The following TP53BP1 variants were observed in gnomAD, a reference collection of about 807,000 sequenced individuals.
The protein encoded by TP53BP1 is TP53-binding protein 1.
Under a neutral mutation model 200.8 loss-of-function variants are expected in TP53BP1, and 61 were observed. The observed-to-expected ratio is 0.30, with a 90% CI of 0.25 to 0.38. TP53BP1 has a LOEUF of 0.38. Ranked by LOEUF, TP53BP1 falls within the 10% of genes least tolerant of loss-of-function variation. The pLI, the probability that TP53BP1 is intolerant of heterozygous loss-of-function variation, is 1.00. For synonymous variants in TP53BP1, 822 were observed against 844.3 expected (o/e 0.97, Z 0.46); for missense variants, 2,144 against 2,371.9 (o/e 0.90, Z 2.00).
In TP53BP1 at chr15:43,456,984, C is replaced by A; in HGVS notation, c.1624G>T (p.Asp542Tyr). 6.2e-7 allele frequency: 1 copy of A among 1,614,184 alleles called. No homozygotes were observed. Among genetic ancestry groups the A allele is most frequent in the Admixed American group, 1.7e-5 (1 of 60,014 alleles). Reference sequence around the variant, plus strand: ...ATCTGTGTGTTTTCTCCATCTTCATCAATTCTGTGAGAACTCAAGCTCTCC... The same window carrying A: ...ATCTGTGTGTTTTCTCCATCTTCATAAATTCTGTGAGAACTCAAGCTCTCC... ...KMESLSSHRI[D>Y]EDGENTQIED... Residue 542 changes from aspartate to tyrosine, a missense_variant, in exon 12 of 28, where the codon GAT becomes TAT. Transcript: ENST00000382044.
At chr15:43,450,106 T>C (rs1356778893) in intron 12 of TP53BP1, among the ~76,000 whole-genome samples, 2 of 152,232 alleles carry the variant, frequency 1.3e-5, no homozygotes, top group African/African-American at 4.8e-5. Flanking sequence ...GCTATCATGT[T>C]GTAGGTCAGC....
At chr15:43,414,133 A>T in intron 23 of TP53BP1, 1 of 470,626 alleles carries the variant, frequency 2.1e-6, no homozygotes, top group Non-Finnish European at 4.4e-6. Flanking sequence ...TAAAACCAGG[A>T]GCAAGAAAAC....
At chr15:43,499,291 G>A (rs1347481716) in intron 1 of TP53BP1, among the ~76,000 whole-genome samples, 1 of 152,084 alleles carries the variant, frequency 6.6e-6, no homozygotes, top group Non-Finnish European at 1.5e-5. Context: ...AGGAGGATGA[G>A]AATCAAAAAC....
chr15:43,480,455 T>C lies in TP53BP1; in HGVS notation c.500-438A>G, dbSNP rs200879820. Among the ~76,000 whole-genome samples, 6 of 151,094 alleles carry C rather than the reference T, an allele frequency of 4.0e-5. No homozygotes were observed. The East Asian group carries it at 7.8e-4, about 20-fold the overall frequency. Reference sequence around the variant, plus strand: ...AGAGCAAGACTCCGTCGCAAAAAAATAAAAAATAAATTTAAAAAAAATAAG... The same window carrying C: ...AGAGCAAGACTCCGTCGCAAAAAAACAAAAAATAAATTTAAAAAAAATAAG... On this transcript the variant is annotated intron_variant, in intron 5 of 27. Coordinates refer to ENST00000382044, the MANE Select transcript of TP53BP1 (RefSeq NM_001141980.3).
chr15:43,445,245 G>C (rs960058004), intron 14 of TP53BP1, among the ~76,000 whole-genome samples: 1 of 151,974 alleles, frequency 6.6e-6, no homozygotes, highest in Non-Finnish European at 1.5e-5. Flanking sequence ...CACTGAAATG[G>C]CTCTTGCTAG....
intron 4 of TP53BP1, among the ~76,000 whole-genome samples, chr15:43,486,038 TAA>T (rs919125867): frequency 6.6e-5 from 10 of 151,634 alleles, no homozygotes; most frequent in South Asian, 2.1e-4. Flanking sequence ...CCAGAAGAAT[TAA>T]AATAATTACC....
chr15:43,474,430 G>A (rs572113951), intron 10 of TP53BP1, among the ~76,000 whole-genome samples: 60 of 138,890 alleles, frequency 4.3e-4, no homozygotes, highest in African/African-American at 1.5e-3. Flanking sequence ...CTGCCAGCAC[G>A]CTGTCACCTC....
intron 4 of TP53BP1, among the ~76,000 whole-genome samples, chr15:43,488,354 T>C (rs966377081): frequency 1.3e-5 from 2 of 151,576 alleles, no homozygotes; most frequent in East Asian, 3.9e-4. Context: ...CCATTTTATA[T>C]AGTATTTTGA....
rs375994630 is a variant in TP53BP1, at chr15:43,486,308, G to A, written c.372-5286C>T. Among the ~76,000 whole-genome samples, 318 of 152,268 alleles carry A rather than the reference G, an allele frequency of 2.1e-3. 2 individuals are homozygous for A. The highest frequency in any genetic ancestry group is 7.1e-3 in the African/African-American group (295 of 41,550). On this transcript the variant is annotated intron_variant, in intron 4 of 27. Transcript: ENST00000382044. Reference sequence around the variant, plus strand: ...GGAGAATCGCTTGAACCCAGGAGGCGGAGGTTGCCGTGAGCCAAGATCATG... The same window carrying A: ...GGAGAATCGCTTGAACCCAGGAGGCAGAGGTTGCCGTGAGCCAAGATCATG...
intron 1 of TP53BP1, among the ~76,000 whole-genome samples, chr15:43,501,108 C>A (rs1024734419): frequency 3.3e-5 from 5 of 151,876 alleles, no homozygotes; most frequent in Non-Finnish European, 7.4e-5. Flanking sequence ...AATAGTTAGG[C>A]TTGTTTCTTT....
At chr15:43,448,479 C>T (rs1385539775) in intron 12 of TP53BP1, among the ~76,000 whole-genome samples, 1 of 152,020 alleles carries the variant, frequency 6.6e-6, no homozygotes, top group Non-Finnish European at 1.5e-5. Context: ...TCTTTTTCCA[C>T]TCCTATCTTT....
chr15:43,486,544 T>TAAAGAGAGTTGCCTTTGTGAA (rs893911018), intron 4 of TP53BP1, among the ~76,000 whole-genome samples: 2 of 152,178 alleles, frequency 1.3e-5, no homozygotes, highest in Admixed American at 6.5e-5. Context: ...CATAAACAGT[T>TAAAGAGAGTTGCCTTTGTGAA]AAAGAGAGTT....
intron 8 of TP53BP1, 139 bp from the exon 9 acceptor site, chr15:43,475,833 T>C (rs2078873130): frequency 9.5e-7 from 1 of 1,057,142 alleles, no homozygotes; most frequent in Non-Finnish European, 1.4e-6. Context: ...GTTTTCTAAT[T>C]ATAGTACAAC....
At chr15:43,427,409 AT>A (rs1285264607) in intron 18 of TP53BP1, among the ~76,000 whole-genome samples, 2 of 152,230 alleles carry the variant, frequency 1.3e-5, no homozygotes, top group Non-Finnish European at 2.9e-5. Context: ...AGGATTTAAA[AT>A]AATACATACA....
chr15:43,413,979 T>C (rs2045199563), intron 23 of TP53BP1: 1 of 374,882 alleles, frequency 2.7e-6, no homozygotes, highest in Admixed American at 4.0e-5. Context: ...GGTAAGTAAG[T>C]GAACCAGCCA....
intron 26 of TP53BP1, 83 bp downstream of exon 26, chr15:43,408,814 T>C: frequency 7.2e-7 from 1 of 1,391,912 alleles, no homozygotes; most frequent in Non-Finnish European, 1.0e-6. Flanking sequence ...CTAGAAAGCT[T>C]TACTCTCTCA....
chr15:43,479,304 C>G, intron 7 of TP53BP1, 93 bp downstream of exon 7: 1 of 1,326,622 alleles, frequency 7.5e-7, no homozygotes, highest in Non-Finnish European at 1.0e-6. Flanking sequence ...ATTTAAAAAT[C>G]AACAATTTCT....
intron 18 of TP53BP1, among the ~76,000 whole-genome samples, chr15:43,427,555 A>T (rs2045570482): frequency 6.6e-6 from 1 of 152,226 alleles, no homozygotes; most frequent in Non-Finnish European, 1.5e-5. Context: ...CAGGAAGTCT[A>T]ACTTCTAACC....
rs2045047980 is a variant in TP53BP1 at position 43,409,701 on chromosome 15, T to C, written c.5346A>G (p.Glu1782=). 1.9e-6 allele frequency: 3 copies of C among 1,577,506 alleles called. No homozygotes were observed. Among genetic ancestry groups the C allele is most frequent in the African/African-American group, 2.8e-5 (2 of 72,602 alleles). ...EIPPFNKQYT[E]SQLRAGAGYI... ...AGCCAGCTCCTGCTCGAAGCTGGGA[T>C]TCTGTATACTGCTTGTTGAAAGGAG... Residue 1782 remains glutamate, a synonymous_variant, in exon 25 of 28, where the codon GAA becomes GAG. Transcript: ENST00000382044.
Sources: gnomAD v4.1 joint callset for allele counts (sites outside exome capture counted in the v4.1 genomes callset) on GRCh38, gnomAD v4.1.1 for gene constraint, MANE v1.5 for transcripts, NCBI Gene and HGNC (gene_info 2026-07-23, HGNC 2026-07-21) for gene names.